The following SLCO4C1 variants were observed in gnomAD, a reference collection of about 807,000 sequenced individuals.
SLCO4C1 encodes solute carrier organic anion transporter family member 4C1, also known as organic anion transporter M1.
In SLCO4C1, 58 loss-of-function variants were observed where a neutral mutation model predicts 72.1. That is an observed-to-expected ratio of 0.80 (90% confidence interval 0.65 to 1.00). The LOEUF (loss-of-function observed/expected upper bound fraction) is 1.00, where lower values mean the gene tolerates loss of function less well. Ranked by LOEUF, SLCO4C1 falls within the 50% of genes least tolerant of loss-of-function variation. SLCO4C1 has a pLI of 0.00. For synonymous variants in SLCO4C1, 297 were observed against 312.5 expected, an observed-to-expected ratio of 0.95 and a Z score of 0.52; for missense variants, 898 against 857.9, an observed-to-expected ratio of 1.05 and a Z score of -0.58.
At chr5:102,265,197 C>T (rs1334404945) in intron 3 of SLCO4C1, among the ~76,000 whole-genome samples, 1 of 151,938 alleles carries the variant, frequency 6.6e-6, no homozygotes, top group African/African-American at 2.4e-5. Context: ...TGTTAAAGTT[C>T]TTTATATATT....
Position 102,291,465 on chromosome 5 carries a change from C to T in SLCO4C1, c.497G>A (p.Gly166Asp), listed in dbSNP as rs1182021249. The stretch of plus-strand genomic sequence containing the variant: ...CCATCTCGGCTTATGTCCTCTTTCA[C>T]CAAAGAATGATACAAATAAAGACAA... Reference protein sequence around the residue: ...CLLSLFVSFFGERGHKPRWLA... With the variant: ...CLLSLFVSFFDERGHKPRWLA... Residue 166 changes from glycine (G) to aspartate (D), a missense_variant, in exon 2 of 13, where the codon GGT (glycine) becomes GAT (aspartate). By Grantham distance (94) the Gly-to-Asp change is moderately conservative. Coordinates refer to ENST00000310954, the MANE Select transcript of SLCO4C1 (RefSeq NM_180991.5). The T allele has an allele frequency of 3.7e-6, 6 of 1,613,926 alleles. No individual in the cohort carries two copies. The Admixed American group carries it at 1.0e-4, about 27-fold the overall frequency.
chr5:102,251,293 A>G (rs954075463), intron 8 of SLCO4C1, among the ~76,000 whole-genome samples: 1 of 152,232 alleles, frequency 6.6e-6, no homozygotes, highest in African/African-American at 2.4e-5. Flanking sequence ...TGTACAGAGT[A>G]TGAATTTGAA....
At chr5:102,237,096 A>C in intron 12 of SLCO4C1, 78 bp from the exon 13 acceptor site, 1 of 1,348,604 alleles carries the variant, frequency 7.4e-7, no homozygotes, top group Non-Finnish European at 9.9e-7. Context: ...AATCTTCATG[A>C]ATAGAACATT....
chr5:102,241,481 T>A, intron 10 of SLCO4C1, among the ~76,000 whole-genome samples: 1 of 150,330 alleles, frequency 6.7e-6, no homozygotes, highest in Non-Finnish European at 1.5e-5. Context: ...AGAAATCAAG[T>A]AAACAACAAA....
At chr5:102,250,745 T>C (rs1748723063) in intron 8 of SLCO4C1, among the ~76,000 whole-genome samples, 2 of 152,090 alleles carry the variant, frequency 1.3e-5, no homozygotes, top group African/African-American at 4.8e-5. Flanking sequence ...TCCCAGCACT[T>C]TGGGATGCCA....
chr5:102,271,194 C>G (rs1020981864), intron 2 of SLCO4C1, among the ~76,000 whole-genome samples: 1 of 151,800 alleles, frequency 6.6e-6, no homozygotes, highest in Admixed American at 6.6e-5. Context: ...TATTATGTCC[C>G]GGACGTCTCT....
chr5:102,240,685 A>G (rs1442801078), intron 11 of SLCO4C1, 33 bp downstream of exon 11: 1 of 1,571,310 alleles, frequency 6.4e-7, no homozygotes, highest in East Asian at 2.2e-5. Context: ...AAAATAGCCA[A>G]CAGTTAGCAA....
chr5:102,272,196 A>G (rs1023189406), intron 2 of SLCO4C1, among the ~76,000 whole-genome samples: 4 of 152,176 alleles, frequency 2.6e-5, no homozygotes, highest in Admixed American at 2.0e-4. Flanking sequence ...CTATTGCATT[A>G]ACCAAAAAGC....
chr5:102,287,105 CTA>C (rs989677527), intron 2 of SLCO4C1, among the ~76,000 whole-genome samples: 2 of 152,044 alleles, frequency 1.3e-5, no homozygotes, highest in East Asian at 1.9e-4. Flanking sequence ...ATATTATGCT[CTA>C]TGTTATGTTA....
intron 2 of SLCO4C1, among the ~76,000 whole-genome samples, chr5:102,277,984 T>C (rs555674309): frequency 1.3e-5 from 2 of 151,888 alleles, no homozygotes; most frequent in Non-Finnish European, 2.9e-5. Context: ...CAAAACAAAA[T>C]ATTAAAAGTA....
At chr5:102,284,633 T>C (rs1749415693) in intron 2 of SLCO4C1, among the ~76,000 whole-genome samples, 1 of 73,360 alleles carries the variant, frequency 1.4e-5, no homozygotes, top group African/African-American at 5.0e-5. Flanking sequence ...AGCGTTCTTC[T>C]TTTTTTTTTT....
chr5:102,281,051 G>A (rs1010577401), intron 2 of SLCO4C1, among the ~76,000 whole-genome samples: 2 of 152,108 alleles, frequency 1.3e-5, no homozygotes, highest in Non-Finnish European at 2.9e-5. Context: ...AATGTCTATA[G>A]GATTTCAAGA....
chr5:102,240,817 G>A (rs1361609404), intron 10 of SLCO4C1, 35 bp from the exon 11 acceptor site: 7 of 1,486,476 alleles, frequency 4.7e-6, no homozygotes, highest in African/African-American at 2.8e-5. Context: ...ACCAAAAAAG[G>A]TGGTATAGTA....
At chr5:102,272,605 T>C (rs1413163970) in intron 2 of SLCO4C1, among the ~76,000 whole-genome samples, 1 of 152,088 alleles carries the variant, frequency 6.6e-6, no homozygotes, top group African/African-American at 2.4e-5. Context: ...AAAAAAGGAA[T>C]GGAAACAATT....
At chr5:102,274,527 G>C (rs1561377418) in intron 2 of SLCO4C1, among the ~76,000 whole-genome samples, 1 of 152,160 alleles carries the variant, frequency 6.6e-6, no homozygotes. Context: ...GAGGCTAAAG[G>C]TACCTCTTTT....
intron 3 of SLCO4C1, among the ~76,000 whole-genome samples, chr5:102,266,722 G>C (rs998733589): frequency 1.1e-4 from 16 of 152,072 alleles, no homozygotes; most frequent in African/African-American, 3.9e-4. Flanking sequence ...TAGAGGAAAG[G>C]CTTTCAGCTT....
chr5:102,291,984 G>C (rs1482311827), intron 1 of SLCO4C1, among the ~76,000 whole-genome samples: 1 of 151,920 alleles, frequency 6.6e-6, no homozygotes, highest in Non-Finnish European at 1.5e-5. Context: ...ACCACACCTG[G>C]CTAATTTTTT....
At position 102,296,011 on chromosome 5, in the gene SLCO4C1, C is replaced by T. The variant is rs1749645312; in HGVS notation, c.252G>A (p.Glu84=). The stretch of plus-strand genomic sequence containing the variant: ...AGTTCCTCCAGCCGTAAGACCCCTC[C>T]TCAAACTCGGACAGCGACAGTGACC... ...KLRSLSLSEF[E]EGSYGWRNFH... The change falls in exon 1 of 13, where the codon GAG becomes GAA. Residue 84 remains glutamate (E), a synonymous_variant. Transcript: ENST00000310954. The T allele has an allele frequency of 6.2e-7, 1 of 1,614,234 alleles. No individual in the cohort carries two copies. The highest frequency in any genetic ancestry group is 1.3e-5 in the African/African-American group (1 of 75,054).
At chr5:102,278,152 A>G (rs1749283223) in intron 2 of SLCO4C1, among the ~76,000 whole-genome samples, 1 of 152,196 alleles carries the variant, frequency 6.6e-6, no homozygotes, top group Non-Finnish European at 1.5e-5. Flanking sequence ...GCTGAAATTT[A>G]AAGATTGGGG....
Sources: gnomAD v4.1 joint callset for allele counts (sites outside exome capture counted in the v4.1 genomes callset) on GRCh38, gnomAD v4.1.1 for gene constraint, MANE v1.5 for transcripts, NCBI Gene and HGNC (gene_info 2026-07-23, HGNC 2026-07-21) for gene names.